Variants in YTHDF3 observed in about 807,000 individuals in gnomAD.
YTHDF3 encodes YTH domain-containing family protein 3.
YTHDF3 carries 9 observed loss-of-function variants against 52.5 expected under a neutral mutation model. The observed-to-expected ratio is 0.17, with a 90% confidence interval of 0.10 to 0.30. The LOEUF is 0.30. YTHDF3 is among the 10% of genes least tolerant of loss of function. YTHDF3 has a pLI of 1.00. For synonymous variants in YTHDF3, 274 were observed against 243.3 expected (o/e 1.13, Z -1.18); for missense variants, 534 against 715.0 (o/e 0.75, Z 2.89).
At chr8:63,170,544 A>AT (rs928413975) in intron 2 of YTHDF3, among the ~76,000 whole-genome samples, 3 of 152,028 alleles carry the variant, frequency 2.0e-5, no homozygotes, top group South Asian at 4.1e-4. Flanking sequence ...CATTTCTAGA[A>AT]TTTTTTTTGT....
In YTHDF3 at chr8:63,212,436, TA is replaced by T. The variant is rs71671324; in HGVS notation, c.*2739del. 27,719 of 151,510 alleles carry T rather than the reference TA, an allele frequency of 0.18. 3,183 individuals are homozygous for T. The highest frequency in any genetic ancestry group is 0.4 in the East Asian group (2,079 of 5,142). 9.4% of individuals were successfully genotyped at this position (151,510 alleles called of 1,614,324 possible). ...AAGCTGATGTTAAAACAGTTTGCAATAAAAAAAAATGAATCAGCTTAAGTCA... is the reference window on the plus strand; with the variant it reads ...AAGCTGATGTTAAAACAGTTTGCAATAAAAAAAATGAATCAGCTTAAGTCA... On this transcript the variant is annotated 3_prime_UTR_variant, in exon 5 of 5. Transcript: ENST00000539294.
chr8:63,198,217 C>T (rs924872204), intron 4 of YTHDF3, among the ~76,000 whole-genome samples: 1 of 151,972 alleles, frequency 6.6e-6, no homozygotes, highest in Non-Finnish European at 1.5e-5. Context: ...GTTTTCTCTT[C>T]TTTCTTTTCT....
chr8:63,212,523 TTG>T lies in YTHDF3; in HGVS notation c.*2821_*2822del, dbSNP rs1430631998. The T allele has an allele frequency of 1.3e-5, 2 of 152,638 alleles. No homozygotes were observed. Among genetic ancestry groups the T allele is most frequent in the African/African-American group, 4.8e-5 (2 of 41,468 alleles). The allele number at this position is 152,638 out of a possible 1,614,324, so 9.5% of individuals were successfully genotyped here. ...AATAAGTTTAAGAAATTTAAGAGAA[TTG>T]TGTTTTCATTAAGTTTTGCATATCT... On this transcript the variant is annotated 3_prime_UTR_variant, in exon 5 of 5. Transcript: ENST00000539294.
At chr8:63,168,616 G>C, upstream of YTHDF3, 1 of 613,014 alleles carries the variant, frequency 1.6e-6, no homozygotes, top group East Asian at 3.0e-5. Flanking sequence ...GCTCGGAGCG[G>C]AAGTGAGACT....
At chr8:63,169,724 T>TG (rs1807160857) in intron 2 of YTHDF3, among the ~76,000 whole-genome samples, 1 of 152,346 alleles carries the variant, frequency 6.6e-6, no homozygotes, top group Non-Finnish European at 1.5e-5. Flanking sequence ...CCACAAAAAA[T>TG]TTCTACATGT....
At chr8:63,204,361 G>GTT (rs1205321648) in intron 4 of YTHDF3, among the ~76,000 whole-genome samples, 85 of 124,842 alleles carry the variant, frequency 6.8e-4, no homozygotes, top group African/African-American at 1.6e-3. Context: ...TGTGTTTGTT[G>GTT]TTTTTTTTTT....
At chr8:63,190,868 T>C (rs988197130) in intron 4 of YTHDF3, among the ~76,000 whole-genome samples, 13 of 152,318 alleles carry the variant, frequency 8.5e-5, no homozygotes, top group African/African-American at 2.6e-4. Context: ...CTGAAGTTTT[T>C]CTTTTGTCAC....
At position 63,168,622 on chromosome 8, in the gene YTHDF3, A is replaced by C; in HGVS notation, c.-256A>C. 4.8e-6 allele frequency: 3 copies of C among 630,468 alleles called. No individual in the cohort carries two copies. The highest frequency in any genetic ancestry group is 8.1e-6 in the Non-Finnish European group (3 of 368,642). 39.1% of individuals were successfully genotyped at this position (630,468 alleles called of 1,614,324 possible). On this transcript the variant is annotated 5_prime_UTR_variant, in exon 1 of 5. Coordinates refer to ENST00000539294, the MANE Select transcript of YTHDF3 (RefSeq NM_152758.6). Reference sequence around the variant, plus strand: ...GTCAGGGAGGCTCGGAGCGGAAGTGAGACTAGGGAGTCTGTCCGCCATTGT... The same window carrying C: ...GTCAGGGAGGCTCGGAGCGGAAGTGCGACTAGGGAGTCTGTCCGCCATTGT...
chr8:63,198,178 T>C (rs1809359915), intron 4 of YTHDF3, among the ~76,000 whole-genome samples: 1 of 152,198 alleles, frequency 6.6e-6, no homozygotes, highest in African/African-American at 2.4e-5. Context: ...TTTAGTTCTT[T>C]ATGCTGTTAC....
Position 63,187,178 on chromosome 8 carries a change from A to G in YTHDF3, c.1167A>G (p.Val389=), listed in dbSNP as rs949922608. The part of the protein sequence containing the change: ...VVPVSASPSS[V]EVHPVLEKLK... The stretch of plus-strand genomic sequence containing the variant: ...CTGTCAGTGCTTCACCTTCTAGTGT[A>G]GAAGTGCATCCCGTGCTGGAAAAGC... Residue 389 remains valine, a synonymous_variant, in exon 4 of 5, where the codon GTA becomes GTG. Transcript: ENST00000539294. The G allele has an allele frequency of 6.2e-7, 1 of 1,614,026 alleles. No homozygotes were observed. The highest frequency in any genetic ancestry group is 1.3e-5 in the African/African-American group (1 of 75,058).
At chr8:63,189,228 G>C (rs1367315458) in intron 4 of YTHDF3, among the ~76,000 whole-genome samples, 1 of 151,848 alleles carries the variant, frequency 6.6e-6, no homozygotes, top group Admixed American at 6.6e-5. Flanking sequence ...ATATCCTATT[G>C]AGTGGCCCAT....
At chr8:63,197,517 A>C (rs1389331965) in intron 4 of YTHDF3, among the ~76,000 whole-genome samples, 2 of 152,214 alleles carry the variant, frequency 1.3e-5, no homozygotes, top group Non-Finnish European at 2.9e-5. Flanking sequence ...ATAATTGTTT[A>C]AAGATATATC....
chr8:63,179,571 A>G (rs1220456904), intron 3 of YTHDF3, among the ~76,000 whole-genome samples: 1 of 152,112 alleles, frequency 6.6e-6, no homozygotes, highest in Admixed American at 6.5e-5. Context: ...AAGGCAGAAG[A>G]ATTTTTCTTA....
rs576455139 is a variant in YTHDF3 at position 63,173,154 on chromosome 8, TAGAAG to T, written c.50-2172_50-2168del. On this transcript the variant is annotated intron_variant, in intron 2 of 4. Transcript: ENST00000539294. ...TGGGTTGTTCTCAGGCCTAGCCTCT[TAGAAG>T]AGAAATAATAGAACAAAAAAAATAA... Among the ~76,000 whole-genome samples, 473 of 138,802 alleles carry T rather than the reference TAGAAG, an allele frequency of 3.4e-3. 4 individuals are homozygous for T. The highest frequency in any genetic ancestry group is 0.013 in the African/African-American group (445 of 33,020). 91.1% of individuals were successfully genotyped at this position (138,802 alleles called of 152,430 possible). A position where few individuals can be genotyped will look rare whatever the true frequency, so the allele number is the denominator to read the frequency against.
intron 2 of YTHDF3, among the ~76,000 whole-genome samples, chr8:63,170,043 A>G (rs950130932): frequency 1.3e-5 from 2 of 152,222 alleles, no homozygotes; most frequent in African/African-American, 2.4e-5. Context: ...TAAAAGTACC[A>G]TTGAAAGTAA....
At chr8:63,190,263 C>A (rs1808828914) in intron 4 of YTHDF3, among the ~76,000 whole-genome samples, 1 of 150,492 alleles carries the variant, frequency 6.6e-6, no homozygotes, top group African/African-American at 2.4e-5. Flanking sequence ...ACCAACTTTT[C>A]TTTCGCCCAC....
chr8:63,192,943 C>G (rs1180291011), intron 4 of YTHDF3, among the ~76,000 whole-genome samples: 2 of 151,744 alleles, frequency 1.3e-5, no homozygotes, highest in East Asian at 1.9e-4. Context: ...TACTATATCC[C>G]CAAGTGAATA....
intron 4 of YTHDF3, among the ~76,000 whole-genome samples, chr8:63,203,106 G>A (rs951405093): frequency 6.6e-6 from 1 of 152,034 alleles, no homozygotes; most frequent in African/African-American, 2.4e-5. Context: ...GCTGAGCATG[G>A]TGGCAGACGC....
At chr8:63,182,841 A>G (rs1585752910) in intron 3 of YTHDF3, among the ~76,000 whole-genome samples, 1 of 152,146 alleles carries the variant, frequency 6.6e-6, no homozygotes, top group East Asian at 1.9e-4. Flanking sequence ...AGTATCTTAT[A>G]TCAATGTTTT....
Sources: gnomAD v4.1 joint callset for allele counts (sites outside exome capture counted in the v4.1 genomes callset) on GRCh38, gnomAD v4.1.1 for gene constraint, MANE v1.5 for transcripts, NCBI Gene and HGNC (gene_info 2026-07-23, HGNC 2026-07-21) for gene names.